Variants in SYNE1 observed in about 807,000 individuals in gnomAD.
The protein encoded by SYNE1 is nesprin-1.
A neutral mutation model predicts 1,111.0 loss-of-function variants in SYNE1; 616 were observed. The ratio of observed to expected loss-of-function variants is 0.55; its 90% CI spans 0.52 to 0.59. The LOEUF (loss-of-function observed/expected upper bound fraction) is 0.59, where lower values mean the gene tolerates loss of function less well. SYNE1 is among the 20% of genes least tolerant of loss of function. The pLI is 0.00. For missense variants in SYNE1, 10,006 were observed against 10,417.0 expected (o/e 0.96, Z 1.72); for synonymous variants, 3,855 against 3,825.8 (o/e 1.01, Z -0.28).
chr6:152,324,282 C>G (rs984839979), intron 81 of SYNE1, among the ~76,000 whole-genome samples: 12 of 151,984 alleles, frequency 7.9e-5, no homozygotes, highest in Non-Finnish European at 1.5e-4. Context: ...GCCTGTAATC[C>G]CAGCTACTCA....
rs192169268 is a variant in SYNE1 at position 152,297,352 on chromosome 6, C to A, written c.17683-3225G>T. The stretch of plus-strand genomic sequence containing the variant: ...AAAACTAAAGGGGGCCATCCTTGAC[C>A]TCTGCCTGACTCCAGCCAGTTTAGG... On this transcript the variant is annotated intron_variant, in intron 93 of 145. Coordinates refer to ENST00000367255, the MANE Select transcript of SYNE1 (RefSeq NM_182961.4). Among the ~76,000 whole-genome samples, 7 of 152,280 alleles carry A rather than the reference C, an allele frequency of 4.6e-5. No homozygotes were observed. The East Asian group carries it at 1.4e-3, about 29-fold the overall frequency.
At chr6:152,373,500 T>G (rs2097223606) in intron 58 of SYNE1, among the ~76,000 whole-genome samples, 1 of 152,180 alleles carries the variant, frequency 6.6e-6, no homozygotes, top group South Asian at 2.1e-4. Context: ...CAGGATGGTC[T>G]TGATCTCCTG....
At chr6:152,431,347 G>T (rs956868855) in intron 34 of SYNE1, among the ~76,000 whole-genome samples, 2 of 152,162 alleles carry the variant, frequency 1.3e-5, no homozygotes, top group African/African-American at 2.4e-5. Context: ...TCCAGCTGAT[G>T]CTGAGGCTGC....
intron 130 of SYNE1, among the ~76,000 whole-genome samples, chr6:152,165,727 G>T: frequency 6.6e-6 from 1 of 152,182 alleles, no homozygotes; most frequent in South Asian, 2.1e-4. Context: ...ACACTTCAAG[G>T]CATTGGCCTT....
At chr6:152,366,824 C>A (rs372490739) in intron 62 of SYNE1, among the ~76,000 whole-genome samples, 3 of 152,162 alleles carry the variant, frequency 2.0e-5, no homozygotes, top group African/African-American at 7.2e-5. Context: ...AAAATGAACT[C>A]ATAACTTGGG....
In SYNE1 at chr6:152,471,783, A is replaced by C. The variant is rs1386309434; in HGVS notation, c.1464-18T>G. 1 of 1,610,370 alleles carries C rather than the reference A, an allele frequency of 6.2e-7. No individual in the cohort carries two copies. The highest frequency in any genetic ancestry group is 1.3e-5 in the African/African-American group (1 of 74,968). On this transcript the variant is annotated intron_variant, in intron 15 of 145. Coordinates refer to ENST00000367255, the MANE Select transcript of SYNE1 (RefSeq NM_182961.4). ...AATGAAACCTAGAAATAAAACAGGG[A>C]GAATTTATAGAATGTAACTAATAGT... is the stretch of plus-strand genomic sequence containing the variant.
rs180834017 is a variant in SYNE1 at position 152,479,232 on chromosome 6, G to C, written c.1350+3853C>G. Among the ~76,000 whole-genome samples, 38 of 152,122 alleles carry C rather than the reference G, an allele frequency of 2.5e-4. 1 individual carries two copies. ...ACCTGAGAGGTCATGATATTGGGAG[G>C]ATCATCTCTAGGTTACTGAAGTTAT... On this transcript the variant is annotated intron_variant, in intron 14 of 145. Transcript: ENST00000367255.
chr6:152,239,856 C>T, intron 107 of SYNE1, 150 bp from the exon 108 acceptor site: 1 of 807,662 alleles, frequency 1.2e-6, no homozygotes, highest in Admixed American at 2.0e-5. Flanking sequence ...GTCAAGAGCT[C>T]AAGACCAGCC....
At position 152,145,553 on chromosome 6, in the gene SYNE1, C is replaced by T. The variant is rs1389837024; in HGVS notation, c.24977-1788G>A. On this transcript the variant is annotated intron_variant, in intron 137 of 145. Coordinates refer to ENST00000367255, the MANE Select transcript of SYNE1 (RefSeq NM_182961.4). ...GCCTCAGGGCTTTCGGGGATCATTA[C>T]ATCTGCAAAAAAAGCACAGTCTAAG... 7 of 1,613,876 alleles carry T rather than the reference C, an allele frequency of 4.3e-6. No homozygotes were observed. Among genetic ancestry groups the T allele is most frequent in the South Asian group, 1.1e-5 (1 of 91,070 alleles).
chr6:152,323,521 G>A lies in SYNE1; in HGVS notation c.15874C>T (p.Pro5292Ser), dbSNP rs760863440. Residue 5292 changes from proline (P) to serine (S), a missense_variant, in exon 82 of 146, where the codon CCG becomes TCG. Around this residue, in one of 7 missense-constraint regions of SYNE1, gnomAD observed 4,955 missense variants for 5,017.2 expected, o/e 0.99. Coordinates refer to ENST00000367255, the MANE Select transcript of SYNE1 (RefSeq NM_182961.4). ...GAAPTPGEEPPLMQEITAMQD... is the reference protein window; with the variant it reads ...GAAPTPGEEPSLMQEITAMQD... ...ATGGCGGTGATTTCCTGCATGAGCG[G>A]AGGCTCTTCCCCAGGGGTTGGGGCG... The A allele has an allele frequency of 3.7e-6, 6 of 1,614,078 alleles. No individual in the cohort carries two copies. In the South Asian group the frequency reaches 6.6e-5, roughly 18 times the overall value.
chr6:152,336,774 G>T, intron 76 of SYNE1, 67 bp downstream of exon 76: 1 of 1,580,234 alleles, frequency 6.3e-7, no homozygotes, highest in South Asian at 1.1e-5. Context: ...TGAATACACT[G>T]AACACATTTC....
At chr6:152,499,380 G>T (rs2099016456) in intron 10 of SYNE1, among the ~76,000 whole-genome samples, 1 of 151,874 alleles carries the variant, frequency 6.6e-6, no homozygotes, top group Non-Finnish European at 1.5e-5. Flanking sequence ...AAAAACCCAT[G>T]GTGATGTCGA....
intron 130 of SYNE1, among the ~76,000 whole-genome samples, chr6:152,174,399 C>T (rs898390054): frequency 5.3e-5 from 8 of 152,102 alleles, no homozygotes; most frequent in African/African-American, 1.7e-4. Context: ...AATATTATTT[C>T]CATCTCTTTA....
intron 140 of SYNE1, 123 bp downstream of exon 140, chr6:152,139,827 A>AT (rs1259765972): frequency 1.7e-5 from 17 of 1,000,826 alleles, no homozygotes; most frequent in Non-Finnish European, 2.5e-5. Context: ...ATTCTCACTC[A>AT]TTTTTGTTAG....
At chr6:152,449,673 G>T (rs757399284) in intron 27 of SYNE1, 32 bp from the exon 28 acceptor site, 7 of 1,468,424 alleles carry the variant, frequency 4.8e-6, no homozygotes, top group Non-Finnish European at 4.8e-6. Flanking sequence ...CTTATTAAAG[G>T]GAGAACATAC....
rs1288837283 is a variant in SYNE1 at position 152,395,144 on chromosome 6, T to A, written c.7712+372A>T. ...CTGTGAATTTGTGGTTTTCTTTCCTTCATATCAGCTTCACATTATGTTAAT... is the reference window on the plus strand; with the variant it reads ...CTGTGAATTTGTGGTTTTCTTTCCTACATATCAGCTTCACATTATGTTAAT... On this transcript the variant is annotated intron_variant, in intron 51 of 145. Coordinates refer to ENST00000367255, the MANE Select transcript of SYNE1 (RefSeq NM_182961.4). Among the ~76,000 whole-genome samples the A allele has an allele frequency of 5.3e-5, 8 of 152,170 alleles. No individual in the cohort carries two copies. The East Asian group carries it at 9.7e-4, about 18-fold the overall frequency.
chr6:152,319,690 A>T (rs2095824110), intron 84 of SYNE1, among the ~76,000 whole-genome samples: 1 of 144,990 alleles, frequency 6.9e-6, no homozygotes, highest in Non-Finnish European at 1.5e-5. Context: ...AAAGGTCTTT[A>T]AAAAAACCTC....
At chr6:152,140,568 C>T (rs111550108) in intron 139 of SYNE1, among the ~76,000 whole-genome samples, 5,121 of 152,200 alleles carry the variant, frequency 0.034, 97 homozygotes, top group Middle Eastern at 0.071. Flanking sequence ...GGTGGTAGTG[C>T]GCGCCTGTAA....
intron 3 of SYNE1, among the ~76,000 whole-genome samples, chr6:152,558,976 T>TTTTATTTATTTA (rs76946853): frequency 3.3e-4 from 46 of 139,988 alleles, no homozygotes; most frequent in African/African-American, 6.0e-4. Context: ...CATATTTAAT[T>TTTTATTTATTTA]TTTATTTATT....
Sources: allele counts gnomAD v4.1 joint callset (sites outside exome capture counted in the v4.1 genomes callset), GRCh38; gene constraint gnomAD v4.1.1; regional missense constraint gnomAD v4.1.1; transcripts MANE v1.5; gene names NCBI Gene and HGNC (gene_info 2026-07-23, HGNC 2026-07-21).